The following SBF2 variants were observed in gnomAD, a reference collection of about 807,000 sequenced individuals.
SBF2 encodes myotubularin-related protein 13.
In SBF2, 112 loss-of-function variants were observed where a neutral mutation model predicts 225.2. The ratio of observed to expected loss-of-function variants is 0.50; its 90% CI spans 0.43 to 0.58. SBF2 has a LOEUF of 0.58. Ranked by LOEUF, SBF2 falls within the 20% of genes least tolerant of loss-of-function variation. The pLI is 0.00. For missense variants in SBF2, 1,996 were observed against 2,206.2 expected (o/e 0.90, Z 1.91); for synonymous variants, 763 against 773.3 (o/e 0.99, Z 0.22).
chr11:9,792,124 T>C (rs1852782540), intron 33 of SBF2, among the ~76,000 whole-genome samples: 1 of 152,230 alleles, frequency 6.6e-6, no homozygotes, highest in African/African-American at 2.4e-5. Context: ...TAAGTTTTTC[T>C]GATAAAATCT....
At chr11:9,921,064 CTTTTTTTTTTT>C (rs34959264) in intron 16 of SBF2, among the ~76,000 whole-genome samples, 18 of 85,896 alleles carry the variant, frequency 2.1e-4, no homozygotes, top group East Asian at 1.3e-3. Context: ...CTGAAAACTT[CTTTTTTTTTTT>C]TTTTTTTTTT....
intron 28 of SBF2, among the ~76,000 whole-genome samples, chr11:9,824,578 GA>G (rs1240293794): frequency 2.7e-5 from 4 of 147,120 alleles, no homozygotes; most frequent in Non-Finnish European, 6.0e-5. Context: ...AAAAAAAAAA[GA>G]AAAAAAGAAA....
chr11:10,014,933 C>G (rs903595036), intron 6 of SBF2, among the ~76,000 whole-genome samples: 4 of 151,908 alleles, frequency 2.6e-5, no homozygotes, highest in Admixed American at 6.6e-5. Flanking sequence ...AGTTTGAGAC[C>G]AGCCTGGGTA....
chr11:10,247,019 C>T (rs557424379), intron 1 of SBF2, among the ~76,000 whole-genome samples: 22 of 152,116 alleles, frequency 1.4e-4, no homozygotes, highest in African/African-American at 5.1e-4. Flanking sequence ...CCCAGATGTT[C>T]GAAGTAAAAG....
intron 2 of SBF2, among the ~76,000 whole-genome samples, chr11:10,125,947 A>C (rs924108005): frequency 6.6e-6 from 1 of 152,208 alleles, no homozygotes; most frequent in Non-Finnish European, 1.5e-5. Context: ...ATTTAGGGGA[A>C]GGATACCACA....
At chr11:9,828,332 A>T in intron 28 of SBF2, 1 of 1,195,930 alleles carries the variant, frequency 8.4e-7, no homozygotes, top group Non-Finnish European at 1.1e-6. Flanking sequence ...CAAACATTGT[A>T]CTTTTAAGTA....
intron 1 of SBF2, among the ~76,000 whole-genome samples, chr11:10,278,208 T>C (rs984844961): frequency 6.6e-6 from 1 of 152,214 alleles, no homozygotes; most frequent in African/African-American, 2.4e-5. Flanking sequence ...TAATTTTCTT[T>C]CAAGTAAACA....
chr11:10,242,105 A>G (rs1168298230), intron 1 of SBF2, among the ~76,000 whole-genome samples: 1 of 151,794 alleles, frequency 6.6e-6, no homozygotes, highest in Non-Finnish European at 1.5e-5. Context: ...GTCTATGGGC[A>G]GTGGTATGTC....
chr11:9,885,291 A>G (rs1309770817), intron 17 of SBF2, among the ~76,000 whole-genome samples: 1 of 149,516 alleles, frequency 6.7e-6, no homozygotes, highest in Non-Finnish European at 1.5e-5. Context: ...ACCCCCCCAA[A>G]AAAAACCCAG....
At chr11:9,813,409 C>T (rs552059800) in intron 29 of SBF2, among the ~76,000 whole-genome samples, 2 of 152,266 alleles carry the variant, frequency 1.3e-5, no homozygotes, top group East Asian at 3.9e-4. Context: ...CTGACTGCAA[C>T]CTCCGCTTCC....
At chr11:10,213,497 A>G (rs1958014938) in intron 1 of SBF2, among the ~76,000 whole-genome samples, 1 of 152,122 alleles carries the variant, frequency 6.6e-6, no homozygotes, top group Non-Finnish European at 1.5e-5. Context: ...CTGGTCCAGC[A>G]CCTCTCTGAA....
At chr11:9,857,524 C>T (rs1857412993) in intron 18 of SBF2, among the ~76,000 whole-genome samples, 1 of 152,196 alleles carries the variant, frequency 6.6e-6, no homozygotes, top group Non-Finnish European at 1.5e-5. Context: ...GTTTCTAACA[C>T]TTATTATTAC....
intron 16 of SBF2, chr11:9,959,895 T>C: frequency 2.6e-6 from 1 of 391,046 alleles, no homozygotes; most frequent in Non-Finnish European, 5.0e-6. Flanking sequence ...ACTCTGCTCT[T>C]CTCCCATTCT....
At chr11:9,847,578 A>G (rs1261324199) in intron 22 of SBF2, among the ~76,000 whole-genome samples, 3 of 152,122 alleles carry the variant, frequency 2.0e-5, no homozygotes, top group African/African-American at 7.2e-5. Context: ...TAATATAAGG[A>G]TAAAGCAAAA....
rs139205867 is a variant in SBF2 at position 9,911,993 on chromosome 11, T to C, written c.1861-15982A>G. On this transcript the variant is annotated intron_variant, in intron 16 of 39. Coordinates refer to ENST00000256190, the MANE Select transcript of SBF2 (RefSeq NM_030962.4). ...CTTTCAATGTGCCCAACACAATTCA[T>C]AAACTTTTTAAAAACACTATAAATT... 8.6e-4 allele frequency among the ~76,000 whole-genome samples: 131 copies of C among 152,354 alleles called. No individual in the cohort carries two copies. The Middle Eastern group carries it at 0.01, about 12-fold the overall frequency.
chr11:10,296,264 A>G (rs757894577), upstream of SBF2, among the ~76,000 whole-genome samples: 1 of 152,190 alleles, frequency 6.6e-6, no homozygotes, highest in East Asian at 1.9e-4. Context: ...TTATGACTCA[A>G]TAATATTCCA....
intron 2 of SBF2, among the ~76,000 whole-genome samples, chr11:10,105,366 T>C (rs1005734387): frequency 2.0e-5 from 3 of 152,184 alleles, no homozygotes; most frequent in Non-Finnish European, 4.4e-5. Context: ...TTCTGGTACA[T>C]TGGTAATAAG....
chr11:10,128,424 C>T (rs184733802), intron 2 of SBF2, among the ~76,000 whole-genome samples: 1 of 152,174 alleles, frequency 6.6e-6, no homozygotes, highest in African/African-American at 2.4e-5. Flanking sequence ...AACAATAACA[C>T]CTCTTCCTCT....
At chr11:9,995,153 T>C (rs1335795258) in intron 9 of SBF2, among the ~76,000 whole-genome samples, 2 of 151,934 alleles carry the variant, frequency 1.3e-5, no homozygotes, top group African/African-American at 4.8e-5. Flanking sequence ...ATATATAAAG[T>C]GCAATACATG....
Sources: allele counts gnomAD v4.1 joint callset (sites outside exome capture counted in the v4.1 genomes callset), GRCh38; gene constraint gnomAD v4.1.1; transcripts MANE v1.5; gene names NCBI Gene and HGNC (gene_info 2026-07-23, HGNC 2026-07-21).